Variants in MYH15 observed in about 807,000 individuals in gnomAD.
MYH15 encodes the protein myosin heavy chain 15, also known as myosin-15.
In MYH15, 227 loss-of-function variants were observed where a neutral mutation model predicts 240.5. The observed-to-expected ratio is 0.94, with a 90% CI of 0.85 to 1.05. The LOEUF (loss-of-function observed/expected upper bound fraction) is 1.05, where lower values mean the gene tolerates loss of function less well. MYH15 is among the 50% of genes least tolerant of loss of function. The pLI is 0.00. For missense variants in MYH15, 2,217 were observed against 2,247.5 expected (o/e 0.99, Z 0.27); for synonymous variants, 785 against 796.7 (o/e 0.99, Z 0.25).
Position 108,498,298 on chromosome 3 carries a change from A to G in MYH15, c.525-153T>C, listed in dbSNP as rs147649132. Among the ~76,000 whole-genome samples the G allele has an allele frequency of 8.5e-4, 130 of 152,318 alleles. 1 individual carries two copies. The East Asian group carries it at 0.016, about 19-fold the overall frequency. ...GAACTTGAGGATATATTGACATTTA[A>G]TTGGTTGGGAGAAGGGCAAGGACAT... On this transcript the variant is annotated intron_variant, in intron 5 of 40. Transcript: ENST00000693548.
intron 22 of MYH15, 112 bp downstream of exon 22, chr3:108,444,528 G>A: frequency 8.2e-7 from 1 of 1,218,220 alleles, no homozygotes. Context: ...AAATCCTTTG[G>A]TATTTGAAAA....
Position 108,428,748 on chromosome 3 carries a change from C to T in MYH15, c.3446G>A (p.Ser1149Asn). The change falls in exon 27 of 41, where the codon AGT becomes AAT. Residue 1149 changes from serine to asparagine, a missense_variant. Ser to Asn is a conservative substitution (Grantham distance 46). Coordinates refer to ENST00000693548, the MANE Select transcript of MYH15 (RefSeq NM_014981.3). ...CTTAGTTATTTCCAGCTGAGCCAAACTGGATCCTCCTACCTCCTCCAGCCT... is the reference window on the plus strand; with the variant it reads ...CTTAGTTATTTCCAGCTGAGCCAAATTGGATCCTCCTACCTCCTCCAGCCT... ...NERLEEVGGSSLAQLEITKKQ... is the reference protein window; with the variant it reads ...NERLEEVGGSNLAQLEITKKQ... 6.2e-7 allele frequency: 1 copy of T among 1,614,034 alleles called. No individual in the cohort carries two copies.
chr3:108,433,016 C>A (rs1189985245), intron 25 of MYH15, among the ~76,000 whole-genome samples: 1 of 152,152 alleles, frequency 6.6e-6, no homozygotes, highest in Non-Finnish European at 1.5e-5. Flanking sequence ...AATGGTAGAT[C>A]CACTGACAGT....
intron 25 of MYH15, among the ~76,000 whole-genome samples, chr3:108,432,425 GA>G (rs112605004): frequency 1.8e-4 from 26 of 146,472 alleles, no homozygotes; most frequent in South Asian, 1.1e-3. Context: ...CAGTGTGATA[GA>G]AAAAAAAAAA....
intron 33 of MYH15, among the ~76,000 whole-genome samples, chr3:108,400,397 T>C (rs1256017147): frequency 3.3e-5 from 5 of 152,226 alleles, no homozygotes; most frequent in Non-Finnish European, 7.3e-5. Flanking sequence ...GGACAGATAA[T>C]AGAGAACAGA....
intron 11 of MYH15, among the ~76,000 whole-genome samples, chr3:108,480,585 C>T (rs1490001787): frequency 2.0e-5 from 3 of 152,044 alleles, no homozygotes; most frequent in Admixed American, 6.6e-5. Flanking sequence ...ACAGAGTGAA[C>T]CCATTGCAGA....
chr3:108,537,117 T>C, the MYH15 span, among the ~76,000 whole-genome samples: 1 of 152,204 alleles, frequency 6.6e-6, no homozygotes, highest in Non-Finnish European at 1.5e-5. Flanking sequence ...ACCCTTTCTA[T>C]TATAAAGCTA....
At chr3:108,393,925 G>A (rs991064155) in intron 36 of MYH15, 106 bp downstream of exon 36, 14 of 1,521,526 alleles carry the variant, frequency 9.2e-6, no homozygotes, top group East Asian at 2.3e-5. Flanking sequence ...CTGGCTGTAT[G>A]GGAAATCAAT....
intron 27 of MYH15, among the ~76,000 whole-genome samples, chr3:108,424,461 G>A (rs1170876761): frequency 6.6e-6 from 1 of 152,190 alleles, no homozygotes; most frequent in African/African-American, 2.4e-5. Context: ...TTAAGCATAA[G>A]GATAAGCGGT....
At chr3:108,449,082 A>C (rs2082952020) in intron 21 of MYH15, among the ~76,000 whole-genome samples, 1 of 152,044 alleles carries the variant, frequency 6.6e-6, no homozygotes, top group East Asian at 1.9e-4. Flanking sequence ...AAACATTGAT[A>C]AAAGAAATTG....
chr3:108,544,557 C>T, the MYH15 span, among the ~76,000 whole-genome samples: 3 of 152,116 alleles, frequency 2.0e-5, no homozygotes, highest in African/African-American at 7.2e-5. Flanking sequence ...CAAGTCATGG[C>T]TTCAGTCAGT....
chr3:108,518,525 G>A (rs553853214), intron 1 of MYH15, among the ~76,000 whole-genome samples: 3 of 152,232 alleles, frequency 2.0e-5, no homozygotes, highest in South Asian at 2.1e-4. Context: ...AAATCATTCC[G>A]CATCCTATGA....
At chr3:108,389,368 T>A (rs895809001) in intron 37 of MYH15, among the ~76,000 whole-genome samples, 3 of 152,228 alleles carry the variant, frequency 2.0e-5, no homozygotes, top group African/African-American at 7.2e-5. Context: ...TATGAATGTA[T>A]ATGTAAGTAT....
chr3:108,452,899 T>C (rs950900994), intron 21 of MYH15, among the ~76,000 whole-genome samples: 2 of 152,142 alleles, frequency 1.3e-5, no homozygotes, highest in African/African-American at 2.4e-5. Context: ...AAGAGGATTG[T>C]TGAGCCCAGG....
intron 11 of MYH15, among the ~76,000 whole-genome samples, chr3:108,479,525 G>T (rs2083249463): frequency 1.3e-5 from 2 of 152,146 alleles, no homozygotes; most frequent in African/African-American, 2.4e-5. Flanking sequence ...GCACACTGGG[G>T]TCCCTGGCAA....
intron 12 of MYH15, among the ~76,000 whole-genome samples, chr3:108,474,712 T>C (rs932533758): frequency 1.3e-5 from 2 of 152,176 alleles, no homozygotes; most frequent in East Asian, 1.9e-4. Context: ...TCTATAAACA[T>C]AGCATGTCAT....
In MYH15 at chr3:108,464,832, G is replaced by C. The variant is rs1377678358; in HGVS notation, c.1555-18C>G. 2 of 1,565,132 alleles carry C rather than the reference G, an allele frequency of 1.3e-6. No homozygotes were observed. The highest frequency in any genetic ancestry group is 1.2e-5 in the South Asian group (1 of 83,876). On this transcript the variant is annotated intron_variant, in intron 14 of 40. Transcript: ENST00000693548. ...CCCATTGGCTGTTGAAGAGACATAA[G>C]AGCAGCAGATTTCTTTAAAAACACC... is the stretch of plus-strand genomic sequence containing the variant.
At chr3:108,389,434 T>C (rs920958369) in intron 37 of MYH15, among the ~76,000 whole-genome samples, 2 of 152,196 alleles carry the variant, frequency 1.3e-5, no homozygotes, top group Non-Finnish European at 2.9e-5. Flanking sequence ...CTACCTAATC[T>C]TAAGCTGCTT....
At chr3:108,448,878 C>CA (rs142294441) in intron 21 of MYH15, among the ~76,000 whole-genome samples, 7,345 of 150,774 alleles carry the variant, frequency 0.049, 599 homozygotes, top group African/African-American at 0.17. Context: ...TAAAAACCAC[C>CA]AAAAAAACAG....
Sources: allele counts gnomAD v4.1 joint callset (sites outside exome capture counted in the v4.1 genomes callset), GRCh38; gene constraint gnomAD v4.1.1; transcripts MANE v1.5; gene names NCBI Gene and HGNC (gene_info 2026-07-23, HGNC 2026-07-21).